The following ELF2 variants were observed in gnomAD, a reference collection of about 807,000 sequenced individuals.
ELF2 encodes the protein E74 like ETS transcription factor 2, also known as ETS-related transcription factor Elf-2.
In ELF2, 11 loss-of-function variants were observed where a neutral mutation model predicts 54.8. That is an observed-to-expected ratio of 0.20 (90% CI 0.13 to 0.33). The LOEUF (loss-of-function observed/expected upper bound fraction) is 0.33, where lower values mean the gene tolerates loss of function less well. Ranked by LOEUF, ELF2 falls within the 10% of genes least tolerant of loss-of-function variation. ELF2 has a pLI of 1.00. For missense variants in ELF2, 513 were observed against 703.0 expected (o/e 0.73, Z 3.06); for synonymous variants, 203 against 245.1 (o/e 0.83, Z 1.61).
chr4:139,121,209 C>T (rs1027411528), intron 4 of ELF2, among the ~76,000 whole-genome samples: 6 of 146,822 alleles, frequency 4.1e-5, no homozygotes, highest in African/African-American at 7.5e-5. Context: ...CCCGGGTTCA[C>T]GCCATTCTCC....
At chr4:139,069,158 A>G (rs1045934730) in intron 6 of ELF2, among the ~76,000 whole-genome samples, 31 of 152,124 alleles carry the variant, frequency 2.0e-4, no homozygotes, top group African/African-American at 7.2e-4. Context: ...CACGAGCCAC[A>G]GCACCCGGCC....
At chr4:139,148,316 A>AT (rs772079635) in intron 1 of ELF2, among the ~76,000 whole-genome samples, 12,136 of 64,564 alleles carry the variant, frequency 0.19, 2,780 homozygotes, top group East Asian at 0.52. Flanking sequence ...TACCTGGCTA[A>AT]TTTTTTTTTT....
At chr4:139,167,350 T>C (rs952803916) in intron 1 of ELF2, among the ~76,000 whole-genome samples, 5 of 152,206 alleles carry the variant, frequency 3.3e-5, no homozygotes, top group African/African-American at 1.2e-4. Flanking sequence ...AGGCTGTAGG[T>C]GAAATCTAAT....
intron 1 of ELF2, among the ~76,000 whole-genome samples, chr4:139,158,088 T>C (rs1327539199): frequency 6.6e-6 from 1 of 151,736 alleles, no homozygotes; most frequent in African/African-American, 2.4e-5. Context: ...AGAAGGGAGA[T>C]AGGGGTGGGA....
chr4:139,105,636 G>A (rs1160432587), intron 4 of ELF2, among the ~76,000 whole-genome samples: 2 of 152,196 alleles, frequency 1.3e-5, no homozygotes, highest in Non-Finnish European at 2.9e-5. Context: ...TGTAATCTCA[G>A]CACTTTGGGA....
At chr4:139,066,263 C>T (rs548168215) in intron 7 of ELF2, 2 of 151,922 alleles carry the variant, frequency 1.3e-5, no homozygotes, top group East Asian at 3.9e-4. Flanking sequence ...AGACAGAACA[C>T]ATCTAAAACC....
chr4:139,117,522 C>T (rs948059253), intron 4 of ELF2, among the ~76,000 whole-genome samples: 36 of 151,798 alleles, frequency 2.4e-4, no homozygotes, highest in African/African-American at 8.7e-4. Context: ...GGAGAAACCC[C>T]GTCTCTATCA....
intron 4 of ELF2, among the ~76,000 whole-genome samples, chr4:139,087,785 G>C (rs755536930): frequency 1.3e-5 from 2 of 152,052 alleles, no homozygotes; most frequent in Non-Finnish European, 2.9e-5. Context: ...TTTTAAAATA[G>C]CATCTATTAA....
At chr4:139,173,902 A>G (rs1742611004) in intron 1 of ELF2, among the ~76,000 whole-genome samples, 1 of 151,834 alleles carries the variant, frequency 6.6e-6, no homozygotes, top group East Asian at 1.9e-4. Context: ...ACCCTGGGTA[A>G]TATGGTGAAA....
intron 1 of ELF2, among the ~76,000 whole-genome samples, chr4:139,175,482 C>T (rs181967865): frequency 4.9e-4 from 75 of 152,246 alleles, no homozygotes; most frequent in African/African-American, 1.6e-3. Flanking sequence ...AACTGTAATG[C>T]TCTATAAAAA....
chr4:139,084,449 G>GCGGCGA, intron 4 of ELF2: 1 of 1,162,772 alleles, frequency 8.6e-7, no homozygotes, highest in Non-Finnish European at 1.1e-6. Context: ...GGCGGCGGCG[G>GCGGCGA]CGGCGGCGGC....
chr4:139,103,231 G>A (rs1734090101), intron 4 of ELF2, among the ~76,000 whole-genome samples: 1 of 152,070 alleles, frequency 6.6e-6, no homozygotes, highest in Non-Finnish European at 1.5e-5. Context: ...CCATTTCCTG[G>A]CATACAAGTC....
At chr4:139,111,250 TAG>T (rs1426242863) in intron 4 of ELF2, among the ~76,000 whole-genome samples, 2 of 152,154 alleles carry the variant, frequency 1.3e-5, no homozygotes, top group Non-Finnish European at 2.9e-5. Context: ...AAAATACAGA[TAG>T]AGTTTCAAGA....
intron 4 of ELF2, among the ~76,000 whole-genome samples, chr4:139,110,096 A>G (rs979832324): frequency 6.6e-6 from 1 of 152,250 alleles, no homozygotes; most frequent in African/African-American, 2.4e-5. Flanking sequence ...AGTACTAGCC[A>G]TATCAACTAA....
At position 139,144,489 on chromosome 4, in the gene ELF2, GAA is replaced by G. The variant is rs142481651; in HGVS notation, c.-251-4994_-251-4993del. On this transcript the variant is annotated intron_variant, in intron 1 of 9. Transcript: ENST00000686138. Reference sequence around the variant, plus strand: ...TCAAAATATAATCTCAAGTGGGGATGAACTGCCTTGGCTGAACTGGGCGGATG... The same window carrying G: ...TCAAAATATAATCTCAAGTGGGGATGCTGCCTTGGCTGAACTGGGCGGATG... 1.4e-3 allele frequency among the ~76,000 whole-genome samples: 211 copies of G among 152,362 alleles called. 2 individuals carry two copies. The highest frequency in any genetic ancestry group is 3.5e-3 in the African/African-American group (147 of 41,592).
chr4:139,083,467 C>T (rs140372884), intron 4 of ELF2, among the ~76,000 whole-genome samples: 4 of 152,300 alleles, frequency 2.6e-5, no homozygotes, highest in Non-Finnish European at 5.9e-5. Flanking sequence ...ATCCCGGTTA[C>T]TCAACATTAT....
At chr4:139,060,244 A>T (rs1727631790) in intron 9 of ELF2, 80 bp downstream of exon 9, 2 of 1,299,868 alleles carry the variant, frequency 1.5e-6, no homozygotes, top group South Asian at 3.1e-5. Context: ...ACTAATATTA[A>T]GCAAAAGGAC....
intron 1 of ELF2, among the ~76,000 whole-genome samples, chr4:139,169,361 A>C (rs1288762301): frequency 6.6e-6 from 1 of 151,558 alleles, no homozygotes; most frequent in East Asian, 1.9e-4. Context: ...AAAAAAAAAA[A>C]AAAAACTATC....
chr4:139,122,321 T>C (rs1736447124), intron 4 of ELF2, among the ~76,000 whole-genome samples: 1 of 152,214 alleles, frequency 6.6e-6, no homozygotes, highest in South Asian at 2.1e-4. Context: ...CCTACATGTA[T>C]CTGTAATCTG....
Sources: allele counts gnomAD v4.1 joint callset (sites outside exome capture counted in the v4.1 genomes callset), GRCh38; gene constraint gnomAD v4.1.1; transcripts MANE v1.5; gene names NCBI Gene and HGNC (gene_info 2026-07-23, HGNC 2026-07-21).